The following UMAD1 variants were observed in gnomAD, a reference collection of about 807,000 sequenced individuals.
The protein encoded by UMAD1 is UBAP1-MVB12-associated (UMA)-domain containing protein 1.
In UMAD1, 8 loss-of-function variants were observed where a neutral mutation model predicts 6.1. That is an observed-to-expected ratio of 1.30 (90% CI 0.76 to 2.35). The LOEUF is 2.35. Among genes scored for constraint, UMAD1 ranks in the 30% most tolerant of loss-of-function variants. The pLI, the probability that UMAD1 is intolerant of heterozygous loss-of-function variation, is 0.00. For missense variants in UMAD1, 130 were observed against 78.4 expected (o/e 1.66, Z -2.49); for synonymous variants, 56 against 31.4 (o/e 1.78, Z -2.61).
intron 2 of UMAD1, among the ~76,000 whole-genome samples, chr7:7,770,311 G>GAGCCTGCCT (rs1194080014): frequency 6.6e-6 from 1 of 152,080 alleles, no homozygotes; most frequent in African/African-American, 2.4e-5. Flanking sequence ...CAGGGCTCTG[G>GAGCCTGCCT]AGCCTGCCTA....
At chr7:7,726,289 G>A (rs1781136774) in intron 2 of UMAD1, among the ~76,000 whole-genome samples, 1 of 152,198 alleles carries the variant, frequency 6.6e-6, no homozygotes, top group Admixed American at 6.5e-5. Flanking sequence ...CACCATCATG[G>A]TATTCCACAC....
chr7:7,706,652 G>C (rs1056876649), intron 2 of UMAD1, among the ~76,000 whole-genome samples: 5 of 152,064 alleles, frequency 3.3e-5, no homozygotes, highest in Admixed American at 2.0e-4. Flanking sequence ...ATTTACATAA[G>C]AACTCTAAGA....
intron 2 of UMAD1, chr7:7,676,060 C>T (rs1022015823): frequency 5.0e-6 from 2 of 398,478 alleles, no homozygotes; most frequent in Non-Finnish European, 8.8e-6. Flanking sequence ...CCTCTGTCTT[C>T]GTTCTCTTTT....
At chr7:7,752,066 AG>A (rs1237567538) in intron 2 of UMAD1, among the ~76,000 whole-genome samples, 1 of 152,202 alleles carries the variant, frequency 6.6e-6, no homozygotes, top group East Asian at 1.9e-4. Context: ...TTAGGTACAT[AG>A]GGTTCATTAT....
chr7:7,782,692 C>A (rs1239450658), intron 2 of UMAD1, among the ~76,000 whole-genome samples: 1 of 150,818 alleles, frequency 6.6e-6, no homozygotes, highest in Non-Finnish European at 1.5e-5. Context: ...TCTGTGCCTA[C>A]AAGCCGAAAC....
intron 2 of UMAD1, among the ~76,000 whole-genome samples, chr7:7,789,169 A>G (rs575851420): frequency 1.3e-5 from 2 of 152,134 alleles, no homozygotes; most frequent in East Asian, 3.9e-4. Flanking sequence ...ACTGGTTATT[A>G]TTTTTTTGCT....
At chr7:7,661,131 A>G (rs1370370285) in intron 1 of UMAD1, among the ~76,000 whole-genome samples, 1 of 151,962 alleles carries the variant, frequency 6.6e-6, no homozygotes, top group Non-Finnish European at 1.5e-5. Context: ...TGTATGCTTC[A>G]GGAAGTTCTT....
chr7:7,818,565 T>C (rs2115293054), intron 3 of UMAD1, among the ~76,000 whole-genome samples: 1 of 152,266 alleles, frequency 6.6e-6, no homozygotes, highest in East Asian at 1.9e-4. Context: ...ATACTGTTGG[T>C]GGGAGTGTAA....
chr7:7,765,633 A>G (rs1470910900), intron 2 of UMAD1, among the ~76,000 whole-genome samples: 7 of 152,176 alleles, frequency 4.6e-5, no homozygotes, highest in African/African-American at 1.7e-4. Context: ...CCTGAGGGTT[A>G]TGAATGAGGT....
chr7:7,657,756 G>T (rs1785377418), intron 1 of UMAD1, among the ~76,000 whole-genome samples: 1 of 152,092 alleles, frequency 6.6e-6, no homozygotes, highest in Non-Finnish European at 1.5e-5. Context: ...GATGCCTCCA[G>T]CTTTGTTCTT....
intron 2 of UMAD1, among the ~76,000 whole-genome samples, chr7:7,778,224 TTTTG>T (rs1380491989): frequency 8.3e-6 from 1 of 120,876 alleles, no homozygotes; most frequent in East Asian, 2.6e-4. Context: ...CCAAAACTGG[TTTTG>T]TGTGTGTGTG....
At position 7,699,894 on chromosome 7, in the gene UMAD1, G is replaced by A. The variant is rs566755977; in HGVS notation, c.82+26441G>A. Reference sequence around the variant, plus strand: ...ATACTGTTTATATAAGTGGAAATACGTGTTTTGTTTATTCATAGATTATAG... The same window carrying A: ...ATACTGTTTATATAAGTGGAAATACATGTTTTGTTTATTCATAGATTATAG... On this transcript the variant is annotated intron_variant, in intron 2 of 3. Transcript: ENST00000682710. Among the ~76,000 whole-genome samples the A allele has an allele frequency of 3.7e-4, 56 of 152,284 alleles. No homozygotes were observed. In the South Asian group the frequency reaches 0.011, roughly 30 times the overall value.
At chr7:7,691,123 G>C (rs1263614806) in intron 2 of UMAD1, among the ~76,000 whole-genome samples, 1 of 151,906 alleles carries the variant, frequency 6.6e-6, no homozygotes, top group African/African-American at 2.4e-5. Context: ...GAATAATGGT[G>C]GTCTTTTCAC....
intron 3 of UMAD1, among the ~76,000 whole-genome samples, chr7:7,810,743 A>G (rs1783004649): frequency 6.6e-6 from 1 of 152,202 alleles, no homozygotes; most frequent in Admixed American, 6.6e-5. Flanking sequence ...CAACGTATTC[A>G]CTCAAGGATA....
At chr7:7,773,809 G>C (rs1782147371) in intron 2 of UMAD1, among the ~76,000 whole-genome samples, 1 of 152,200 alleles carries the variant, frequency 6.6e-6, no homozygotes, top group Non-Finnish European at 1.5e-5. Context: ...AAGGCTGGTT[G>C]AAGGGAGGAG....
chr7:7,656,706 C>T (rs142915192), intron 1 of UMAD1, among the ~76,000 whole-genome samples: 1,994 of 152,238 alleles, frequency 0.013, 16 homozygotes, highest in Middle Eastern at 0.037. Context: ...TTTCTTTATC[C>T]AGTCTATCAT....
intron 3 of UMAD1, among the ~76,000 whole-genome samples, chr7:7,873,513 A>G (rs1784365272): frequency 6.6e-6 from 1 of 152,240 alleles, no homozygotes; most frequent in African/African-American, 2.4e-5. Context: ...GCAGATGTAC[A>G]TCTTTATAAC....
intron 2 of UMAD1, among the ~76,000 whole-genome samples, chr7:7,693,465 G>A (rs1780229904): frequency 6.6e-6 from 1 of 152,142 alleles, no homozygotes; most frequent in African/African-American, 2.4e-5. Flanking sequence ...GGGGGAAGAA[G>A]TTAACCAAAT....
At chr7:7,865,454 A>C (rs1340413528) in intron 3 of UMAD1, among the ~76,000 whole-genome samples, 1 of 152,096 alleles carries the variant, frequency 6.6e-6, no homozygotes, top group Admixed American at 6.6e-5. Context: ...AACTCAGCCT[A>C]CCTCCTTGGG....
Sources: gnomAD v4.1 joint callset for allele counts (sites outside exome capture counted in the v4.1 genomes callset) on GRCh38, gnomAD v4.1.1 for gene constraint, MANE v1.5 for transcripts, NCBI Gene and HGNC (gene_info 2026-07-23, HGNC 2026-07-21) for gene names.